The following HOOK3 variants were observed in gnomAD, a reference collection of about 807,000 sequenced individuals.
The protein encoded by HOOK3 is protein Hook homolog 3.
A neutral mutation model predicts 116.3 loss-of-function variants in HOOK3; 24 were observed. The observed-to-expected ratio is 0.21, with a 90% confidence interval of 0.15 to 0.29. The LOEUF is 0.29. Ranked by LOEUF, HOOK3 falls within the 10% of genes least tolerant of loss-of-function variation. HOOK3 has a pLI of 1.00. For missense variants in HOOK3, 632 were observed against 830.2 expected, an observed-to-expected ratio of 0.76 and a Z score of 2.93; for synonymous variants, 275 against 283.0, an observed-to-expected ratio of 0.97 and a Z score of 0.28.
intron 2 of HOOK3, among the ~76,000 whole-genome samples, chr8:42,908,303 T>C (rs2130326775): frequency 6.6e-6 from 1 of 152,234 alleles, no homozygotes; most frequent in South Asian, 2.1e-4. Flanking sequence ...TTCACAGAAA[T>C]AAGAAACAAA....
intron 18 of HOOK3, among the ~76,000 whole-genome samples, chr8:43,008,683 G>A (rs186893721): frequency 6.6e-4 from 80 of 121,748 alleles, no homozygotes; most frequent in African/African-American, 1.9e-3. Context: ...TTTTTGAGAC[G>A]GAGTCTCGCT....
Position 43,022,390 on chromosome 8 carries a change from C to T in HOOK3, c.*3892C>T, listed in dbSNP as rs1809847269. On this transcript the variant is annotated 3_prime_UTR_variant, in exon 22 of 22. Transcript: ENST00000307602. ...GTTGGCTTGTGCAGTGGAGCTTGTC[C>T]AGGCACCAGCATGGAGCAAGTACAG... The T allele has an allele frequency of 2.0e-5, 4 of 204,282 alleles. No individual in the cohort carries two copies. Among genetic ancestry groups the T allele is most frequent in the Non-Finnish European group, 3.0e-5 (3 of 99,750 alleles). The allele number at this position is 204,282 out of a possible 1,614,324, so 12.7% of individuals were successfully genotyped here.
At chr8:42,923,780 G>A (rs1414061651) in intron 2 of HOOK3, among the ~76,000 whole-genome samples, 2 of 152,178 alleles carry the variant, frequency 1.3e-5, no homozygotes, top group Non-Finnish European at 2.9e-5. Flanking sequence ...AATGCATTGT[G>A]TACTGTAAAT....
chr8:43,004,378 AAAAG>A (rs1181421563), intron 17 of HOOK3, among the ~76,000 whole-genome samples: 126 of 148,202 alleles, frequency 8.5e-4, no homozygotes, highest in African/African-American at 2.2e-3. Flanking sequence ...AAAAAAAAAA[AAAAG>A]AAAGAAAAGA....
chr8:42,999,159 CATAA>C (rs1269661885), intron 16 of HOOK3, among the ~76,000 whole-genome samples: 3 of 152,168 alleles, frequency 2.0e-5, no homozygotes, highest in Non-Finnish European at 2.9e-5. Context: ...TACATTAAAA[CATAA>C]ATAAAAGCAT....
At chr8:43,008,650 TATTTTTA>T in intron 18 of HOOK3, among the ~76,000 whole-genome samples, 1 of 148,704 alleles carries the variant, frequency 6.7e-6, no homozygotes, top group African/African-American at 2.4e-5. Flanking sequence ...TTTTTATTTT[TATTTTTA>T]TTTTTATTTT....
intron 15 of HOOK3, among the ~76,000 whole-genome samples, chr8:42,997,210 A>T (rs937797211): frequency 2.6e-5 from 4 of 152,126 alleles, no homozygotes; most frequent in Admixed American, 6.6e-5. Flanking sequence ...GAGTGCAGAG[A>T]TCTTTTAATA....
intron 17 of HOOK3, among the ~76,000 whole-genome samples, chr8:43,005,465 G>T (rs374379224): frequency 6.6e-6 from 1 of 151,298 alleles, no homozygotes; most frequent in Non-Finnish European, 1.5e-5. Flanking sequence ...CTCGTGATCC[G>T]CCTGCCTCGG....
At chr8:42,940,407 G>A (rs1808088529) in intron 4 of HOOK3, among the ~76,000 whole-genome samples, 1 of 152,254 alleles carries the variant, frequency 6.6e-6, no homozygotes, top group Non-Finnish European at 1.5e-5. Context: ...AGGCAGGGAG[G>A]TTGCAGTGAG....
At chr8:42,980,949 G>C (rs1335572932) in intron 13 of HOOK3, among the ~76,000 whole-genome samples, 1 of 152,098 alleles carries the variant, frequency 6.6e-6, no homozygotes, top group Non-Finnish European at 1.5e-5. Flanking sequence ...GTGATGCCCT[G>C]TGTTGCCTCG....
intron 2 of HOOK3, 21 bp from the exon 3 acceptor site, chr8:42,925,536 A>G (rs375541096): frequency 3.3e-6 from 5 of 1,532,712 alleles, no homozygotes; most frequent in Middle Eastern, 1.8e-4. Flanking sequence ...TTTAATATGT[A>G]AGCTTTTTCT....
chr8:42,947,062 C>T (rs1441633538), intron 5 of HOOK3, among the ~76,000 whole-genome samples: 1 of 152,138 alleles, frequency 6.6e-6, no homozygotes, highest in Admixed American at 6.5e-5. Context: ...AGCCACTGCG[C>T]CTGGCCACCA....
chr8:42,911,049 A>G (rs994338629), intron 2 of HOOK3, among the ~76,000 whole-genome samples: 2 of 152,198 alleles, frequency 1.3e-5, no homozygotes, highest in African/African-American at 4.8e-5. Flanking sequence ...GAGCACTGCT[A>G]TGGAAAGGAA....
Position 42,964,050 on chromosome 8 carries a change from A to G in HOOK3, c.616-261A>G, listed in dbSNP as rs192668196. On this transcript the variant is annotated intron_variant, in intron 8 of 21. Coordinates refer to ENST00000307602, the MANE Select transcript of HOOK3 (RefSeq NM_032410.4). ...GTGAAACCACATCTCTACTAAAAAC[A>G]GAAAAAATTAGCCAGGCGTGGTGGT... Among the ~76,000 whole-genome samples, 547 of 152,292 alleles carry G rather than the reference A, an allele frequency of 3.6e-3. 4 individuals carry two copies. The highest frequency in any genetic ancestry group is 8.1e-3 in the South Asian group (39 of 4,824).
At chr8:42,971,305 C>T (rs746301450) in intron 11 of HOOK3, among the ~76,000 whole-genome samples, 6 of 152,138 alleles carry the variant, frequency 3.9e-5, no homozygotes, top group Non-Finnish European at 5.9e-5. Context: ...CTCGCTCTGT[C>T]GCTCAGGCTA....
intron 4 of HOOK3, among the ~76,000 whole-genome samples, chr8:42,941,517 C>CAAAAAAA (rs960451235): frequency 2.3e-5 from 1 of 44,020 alleles, no homozygotes; most frequent in African/African-American, 8.9e-5. Flanking sequence ...GACTCCGTCT[C>CAAAAAAA]AAAAAAAAAA....
At chr8:42,932,550 G>A in intron 4 of HOOK3, among the ~76,000 whole-genome samples, 1 of 151,966 alleles carries the variant, frequency 6.6e-6, no homozygotes, top group East Asian at 1.9e-4. Context: ...TTCCCTTCTT[G>A]TAATTTTTCT....
intron 7 of HOOK3, among the ~76,000 whole-genome samples, chr8:42,958,609 T>G (rs975429592): frequency 2.7e-5 from 4 of 150,188 alleles, no homozygotes; most frequent in Non-Finnish European, 3.0e-5. Context: ...TTTTTTTTTT[T>G]TTTTTTTTTT....
chr8:42,968,103 T>A lies in HOOK3; in HGVS notation c.1011T>A (p.Val337=). Residue 337 remains valine (V), a synonymous_variant, in exon 11 of 22, where the codon GTT becomes GTA. Transcript: ENST00000307602. The part of the protein sequence containing the change: ...LEDLGDLRRQ[V]KLLEEKNTMY... ...ACCTTGGTGATTTAAGGCGGCAGGTTAAACTCTTAGAAGAGAAGAATACCA... is the reference window on the plus strand; with the variant it reads ...ACCTTGGTGATTTAAGGCGGCAGGTAAAACTCTTAGAAGAGAAGAATACCA... 6.2e-7 allele frequency: 1 copy of A among 1,612,454 alleles called. No homozygotes were observed. The highest frequency in any genetic ancestry group is 8.5e-7 in the Non-Finnish European group (1 of 1,178,572).
Sources: allele counts gnomAD v4.1 joint callset (sites outside exome capture counted in the v4.1 genomes callset), GRCh38; gene constraint gnomAD v4.1.1; transcripts MANE v1.5; gene names NCBI Gene and HGNC (gene_info 2026-07-23, HGNC 2026-07-21).